VRK2: variants seen among roughly 807,000 people sequenced by gnomAD.
VRK2 encodes serine/threonine-protein kinase VRK2.
In VRK2, 60 loss-of-function variants were observed where a neutral mutation model predicts 57.6. The ratio of observed to expected loss-of-function variants is 1.04; its 90% confidence interval spans 0.85 to 1.29. The LOEUF (loss-of-function observed/expected upper bound fraction) is 1.29. Ranked by LOEUF, VRK2 falls within the 50% of genes most tolerant of loss-of-function variation. The pLI is 0.00. For synonymous variants in VRK2, 231 were observed against 199.2 expected, an observed-to-expected ratio of 1.16 and a Z score of -1.35; for missense variants, 705 against 588.1, an observed-to-expected ratio of 1.20 and a Z score of -2.06.
At chr2:57,941,548 C>T (rs1339900430) in intron 1 of VRK2, among the ~76,000 whole-genome samples, 3 of 152,128 alleles carry the variant, frequency 2.0e-5, no homozygotes, top group Non-Finnish European at 2.9e-5. Flanking sequence ...TTTTCTATAT[C>T]GATCAAATAC....
intron 1 of VRK2, among the ~76,000 whole-genome samples, chr2:57,954,402 G>A (rs747064178): frequency 6.6e-6 from 1 of 151,984 alleles, no homozygotes; most frequent in African/African-American, 2.4e-5. Flanking sequence ...GGTCCAGATA[G>A]GCTAACTGCC....
In VRK2 at chr2:57,968,957, C is replaced by T. The variant is rs144828605; in HGVS notation, c.-438-56708C>T. On this transcript the variant is annotated intron_variant, in intron 1 of 15. Transcript: ENST00000417641. ...ATATTAATCTCTCTTTAAAATCTCT[C>T]TTAAAATAAAGATGTCAATATAATT... 3.9e-5 allele frequency among the ~76,000 whole-genome samples: 6 copies of T among 152,198 alleles called. No homozygotes were observed. The East Asian group carries it at 1.2e-3, about 29-fold the overall frequency.
At chr2:57,956,989 T>C (rs1191583237) in intron 1 of VRK2, among the ~76,000 whole-genome samples, 1 of 152,178 alleles carries the variant, frequency 6.6e-6, no homozygotes, top group Non-Finnish European at 1.5e-5. Flanking sequence ...TCATATACTT[T>C]ATACTGTTAA....
intron 1 of VRK2, among the ~76,000 whole-genome samples, chr2:57,948,236 A>G (rs1239254924): frequency 1.3e-5 from 2 of 152,220 alleles, no homozygotes; most frequent in Non-Finnish European, 2.9e-5. Context: ...AAGATCCAGC[A>G]TTAGGAAAGT....
intron 1 of VRK2, among the ~76,000 whole-genome samples, chr2:57,963,930 C>T (rs1671834685): frequency 6.6e-6 from 1 of 152,152 alleles, no homozygotes; most frequent in African/African-American, 2.4e-5. Context: ...TTTAGTGCTC[C>T]AGGAACCATT....
chr2:57,913,601 T>C (rs188552053), intron 1 of VRK2, among the ~76,000 whole-genome samples: 57 of 152,288 alleles, frequency 3.7e-4, no homozygotes, highest in Admixed American at 3.1e-3. Context: ...TGTGATATTA[T>C]ATTGCACCCA....
At chr2:58,146,287 A>T in intron 11 of VRK2, 29 bp from the exon 12 acceptor site, 1 of 1,547,160 alleles carries the variant, frequency 6.5e-7, no homozygotes, top group East Asian at 2.3e-5. Flanking sequence ...AGTTTTCATT[A>T]TATATTATTA....
At chr2:57,990,389 C>A (rs1672726016) in intron 1 of VRK2, among the ~76,000 whole-genome samples, 1 of 152,124 alleles carries the variant, frequency 6.6e-6, no homozygotes, top group Non-Finnish European at 1.5e-5. Context: ...ATAAACATGA[C>A]CTGTCTTGTA....
intron 2 of VRK2, among the ~76,000 whole-genome samples, chr2:58,058,835 C>T (rs1009129032): frequency 6.6e-6 from 1 of 151,998 alleles, no homozygotes; most frequent in Non-Finnish European, 1.5e-5. Context: ...AAATTACCTC[C>T]TGGCCACAAT....
chr2:57,966,553 T>C (rs1297275722), intron 1 of VRK2, among the ~76,000 whole-genome samples: 1 of 152,208 alleles, frequency 6.6e-6, no homozygotes, highest in Non-Finnish European at 1.5e-5. Flanking sequence ...GGTTCTTCCA[T>C]GGCGACAACT....
rs1673219614 is a variant in VRK2 at position 58,005,649 on chromosome 2, G to A, written c.-438-20016G>A. Among the ~76,000 whole-genome samples the A allele has an allele frequency of 2.0e-5, 3 of 152,128 alleles. No individual in the cohort carries two copies. The South Asian group carries it at 6.2e-4, about 32-fold the overall frequency. ...ATATGTAAGATATATAAAAAGACAT[G>A]GAAGAATTATTGAGAGGGTCAGTAA... On this transcript the variant is annotated intron_variant, in intron 1 of 15. Transcript: ENST00000417641.
At chr2:58,098,467 C>T (rs1673479086) in intron 7 of VRK2, among the ~76,000 whole-genome samples, 1 of 151,956 alleles carries the variant, frequency 6.6e-6, no homozygotes, top group East Asian at 1.9e-4. Context: ...TGGTAAATGC[C>T]CTATACAGCT....
At chr2:57,993,495 A>G (rs895809919) in intron 1 of VRK2, among the ~76,000 whole-genome samples, 2 of 152,096 alleles carry the variant, frequency 1.3e-5, no homozygotes, top group Admixed American at 6.6e-5. Context: ...AAAAAAAAAA[A>G]GTAGCAAAAA....
intron 1 of VRK2, chr2:58,047,520 C>G (rs987199888): frequency 4.4e-6 from 4 of 902,036 alleles, no homozygotes; most frequent in Non-Finnish European, 5.3e-6. Context: ...AGGCCGCTGC[C>G]TTGCCCCAAA....
intron 7 of VRK2, among the ~76,000 whole-genome samples, chr2:58,114,428 A>G (rs1261120295): frequency 1.3e-5 from 2 of 152,178 alleles, no homozygotes; most frequent in African/African-American, 4.8e-5. Context: ...AGGGATGACA[A>G]GTTTTTTTGG....
chr2:58,069,771 C>G (rs1669131366), intron 2 of VRK2, among the ~76,000 whole-genome samples: 1 of 152,102 alleles, frequency 6.6e-6, no homozygotes, highest in African/African-American at 2.4e-5. Flanking sequence ...TCTGCACTCT[C>G]CGACTTAGGA....
intron 7 of VRK2, among the ~76,000 whole-genome samples, chr2:58,108,458 C>T (rs1351697191): frequency 1.3e-5 from 2 of 152,156 alleles, no homozygotes; most frequent in Non-Finnish European, 2.9e-5. Flanking sequence ...TGTGCCCCAC[C>T]TTCTTAGCAT....
chr2:57,993,185 C>T (rs10496084), intron 1 of VRK2, among the ~76,000 whole-genome samples: 17,130 of 152,114 alleles, frequency 0.11, 1,015 homozygotes, highest in East Asian at 0.19. Context: ...CAACATTTAG[C>T]AAAATTAAAC....
intron 4 of VRK2, among the ~76,000 whole-genome samples, 186 bp from the exon 5 acceptor site, chr2:58,086,153 A>G (rs1489450017): frequency 6.6e-6 from 1 of 151,830 alleles, no homozygotes; most frequent in East Asian, 1.9e-4. Flanking sequence ...AAAAATTTCT[A>G]ATTTTTTGTT....
Sources: allele counts gnomAD v4.1 joint callset (sites outside exome capture counted in the v4.1 genomes callset), GRCh38; gene constraint gnomAD v4.1.1; transcripts MANE v1.5; gene names NCBI Gene and HGNC (gene_info 2026-07-23, HGNC 2026-07-21).